Variants in ZC3H15 observed in about 807,000 individuals in gnomAD.
ZC3H15 encodes zinc finger CCCH domain-containing protein 15.
A neutral mutation model predicts 51.2 loss-of-function variants in ZC3H15; 15 were observed. That is an observed-to-expected ratio of 0.29 (90% confidence interval 0.20 to 0.45). ZC3H15 has a LOEUF of 0.45. Among genes scored for constraint, ZC3H15 ranks in the 20% least tolerant of loss-of-function variants. The pLI is 1.00. For synonymous variants in ZC3H15, 144 were observed against 162.8 expected, an observed-to-expected ratio of 0.88 and a Z score of 0.88; for missense variants, 381 against 494.7, an observed-to-expected ratio of 0.77 and a Z score of 2.18.
chr2:186,501,515 A>G, intron 4 of ZC3H15, 90 bp downstream of exon 4: 1 of 1,112,996 alleles, frequency 9.0e-7, no homozygotes, highest in Non-Finnish European at 1.3e-6. Flanking sequence ...GAACATTTCA[A>G]TCTTAATAGA....
chr2:186,505,631 T>G (rs756620252), intron 7 of ZC3H15, 34 bp downstream of exon 7: 11 of 1,597,820 alleles, frequency 6.9e-6, no homozygotes, highest in Non-Finnish European at 9.4e-6. Flanking sequence ...TGATTCTTTA[T>G]TCTTCCATTT....
At chr2:186,489,512 T>G (rs541241160) in intron 1 of ZC3H15, among the ~76,000 whole-genome samples, 2 of 152,212 alleles carry the variant, frequency 1.3e-5, no homozygotes, top group Non-Finnish European at 2.9e-5. Flanking sequence ...GATACTTATT[T>G]CAGAATCTGG....
intron 1 of ZC3H15, among the ~76,000 whole-genome samples, chr2:186,494,209 G>A (rs1031291106): frequency 1.3e-5 from 2 of 151,892 alleles, no homozygotes; most frequent in Non-Finnish European, 2.9e-5. Context: ...ATATTACCAA[G>A]TTACTGTATT....
At chr2:186,488,465 GT>G in intron 1 of ZC3H15, among the ~76,000 whole-genome samples, 2 of 152,252 alleles carry the variant, frequency 1.3e-5, no homozygotes, top group East Asian at 3.9e-4. Flanking sequence ...ACCATGCAGT[GT>G]TTTTGAGATC....
intron 5 of ZC3H15, among the ~76,000 whole-genome samples, chr2:186,502,889 A>G (rs1478675128): frequency 1.3e-5 from 2 of 152,088 alleles, no homozygotes; most frequent in African/African-American, 4.8e-5. Flanking sequence ...AAAAATCCCT[A>G]TTTTTTTGCA....
intron 1 of ZC3H15, among the ~76,000 whole-genome samples, chr2:186,488,160 AT>A (rs1010977420): frequency 2.3e-4 from 35 of 152,144 alleles, no homozygotes; most frequent in Non-Finnish European, 4.3e-4. Context: ...AATATATATT[AT>A]TTTTTTAATT....
intron 1 of ZC3H15, among the ~76,000 whole-genome samples, chr2:186,493,736 TA>T (rs977921275): frequency 3.3e-5 from 5 of 151,984 alleles, no homozygotes; most frequent in African/African-American, 1.2e-4. Context: ...TGCCTTGTCC[TA>T]GTTTCTGGTG....
At position 186,504,096 on chromosome 2, in the gene ZC3H15, G is replaced by C; in HGVS notation, c.599G>C (p.Gly200Ala). The change falls in exon 6 of 10, where the codon GGA (glycine) becomes GCA (alanine). Residue 200 changes from glycine (G) to alanine (A), a missense_variant. By Grantham distance (60) the Gly-to-Ala change is moderately conservative. Transcript: ENST00000337859. Reference sequence around the variant, plus strand: ...TATGGCTGGTTTTGGGTATGCCCTGGAGGGGGTGATATTTGCATGTATCGT... The same window carrying C: ...TATGGCTGGTTTTGGGTATGCCCTGCAGGGGGTGATATTTGCATGTATCGT... ...NKYGWFWVCP[G>A]GGDICMYRHA... 1 of 1,609,962 alleles carries C rather than the reference G, an allele frequency of 6.2e-7. No homozygotes were observed.
At chr2:186,506,068 T>G (rs1685462385) in intron 8 of ZC3H15, 1 of 627,144 alleles carries the variant, frequency 1.6e-6, no homozygotes, top group African/African-American at 1.8e-5. Flanking sequence ...GAATTAGTAG[T>G]TCTTTATACA....
rs1368576132 is a variant in ZC3H15, at chr2:186,508,407, T to C, written c.1091-136T>C. ...TCAGAAAAGAATGATCAGTTCTTGC[T>C]GGAGTAATTCTGGGGAAATGGCTTT... On this transcript the variant is annotated intron_variant, in intron 9 of 9. Coordinates refer to ENST00000337859, the MANE Select transcript of ZC3H15 (RefSeq NM_018471.3). 11 of 725,886 alleles carry C rather than the reference T, an allele frequency of 1.5e-5. No homozygotes were observed. In the Admixed American group the frequency reaches 2.6e-4, roughly 17 times the overall value. 45.0% of individuals were successfully genotyped at this position (725,886 alleles called of 1,614,324 possible). A position where few individuals can be genotyped will look rare whatever the true frequency, so the allele number is the denominator to read the frequency against.
chr2:186,501,495 T>C (rs1415626536), intron 4 of ZC3H15, 70 bp downstream of exon 4: 3 of 1,299,672 alleles, frequency 2.3e-6, no homozygotes, highest in Middle Eastern at 5.5e-4. Flanking sequence ...AAGATATTTA[T>C]TAAATTGAAG....
rs568305576 is a variant in ZC3H15, at chr2:186,496,296, C to T, written c.177+962C>T. 2.6e-4 allele frequency among the ~76,000 whole-genome samples: 39 copies of T among 152,336 alleles called. 1 individual carries two copies. The South Asian group carries it at 3.5e-3, about 14-fold the overall frequency. ...ACAATGGTGTGATCTTGGCTCACTG[C>T]GGCCTCTGCCTCCTGGGTTCAAGCC... On this transcript the variant is annotated intron_variant, in intron 2 of 9. Transcript: ENST00000337859.
chr2:186,496,553 C>A (rs1685285253), intron 2 of ZC3H15, among the ~76,000 whole-genome samples: 1 of 152,192 alleles, frequency 6.6e-6, no homozygotes, highest in Admixed American at 6.5e-5. Flanking sequence ...ATCATTTATC[C>A]AACTGAAATA....
At chr2:186,497,309 C>T (rs564154889) in intron 2 of ZC3H15, among the ~76,000 whole-genome samples, 1 of 152,332 alleles carries the variant, frequency 6.6e-6, no homozygotes, top group South Asian at 2.1e-4. Context: ...AGTGACCCAA[C>T]ACTTTCCTTT....
intron 2 of ZC3H15, chr2:186,499,760 A>G: frequency 5.6e-6 from 2 of 356,698 alleles, no homozygotes; most frequent in Middle Eastern, 7.8e-4. Flanking sequence ...GTGTTTTTCC[A>G]TGAGGGCACT....
chr2:186,503,993 A>C, intron 5 of ZC3H15, 39 bp from the exon 6 acceptor site: 5 of 1,507,392 alleles, frequency 3.3e-6, no homozygotes, highest in Non-Finnish European at 3.5e-6. Flanking sequence ...GAAATGGCCT[A>C]CACTGAGCCA....
chr2:186,509,246 C>A lies in ZC3H15; in HGVS notation c.*513C>A. The A allele has an allele frequency of 5.0e-6, 1 of 201,268 alleles. No homozygotes were observed. Among genetic ancestry groups the A allele is most frequent in the South Asian group, 6.6e-5 (1 of 15,072 alleles). 12.5% of individuals were successfully genotyped at this position (201,268 alleles called of 1,614,324 possible). A position where few individuals can be genotyped will look rare whatever the true frequency, so the allele number is the denominator to read the frequency against. ...AATTAGATGGACATTTAAAATGGAA[C>A]TTCTTTTATCTGACAGGATCAGCTA... On this transcript the variant is annotated 3_prime_UTR_variant, in exon 10 of 10. Transcript: ENST00000337859.
intron 4 of ZC3H15, among the ~76,000 whole-genome samples, chr2:186,501,864 G>A (rs547537003): frequency 1.1e-4 from 17 of 151,810 alleles, no homozygotes; most frequent in South Asian, 2.1e-4. Flanking sequence ...GGGTCGTGCC[G>A]CCACGCCCAG....
intron 2 of ZC3H15, 37 bp downstream of exon 2, chr2:186,495,371 TA>T: frequency 9.0e-7 from 1 of 1,117,314 alleles, no homozygotes; most frequent in South Asian, 2.1e-5. Context: ...TTTATAAATG[TA>T]ATATTAATAT....
Sources: gnomAD v4.1 joint callset for allele counts (sites outside exome capture counted in the v4.1 genomes callset) on GRCh38, gnomAD v4.1.1 for gene constraint, MANE v1.5 for transcripts, NCBI Gene and HGNC (gene_info 2026-07-23, HGNC 2026-07-21) for gene names.